The following UACA variants were observed in gnomAD, a reference collection of about 807,000 sequenced individuals.
The protein encoded by UACA is nuclear membrane binding protein.
A neutral mutation model predicts 160.5 loss-of-function variants in UACA; 112 were observed. The observed-to-expected ratio is 0.70, with a 90% CI of 0.60 to 0.82. UACA has a LOEUF of 0.82. Among genes scored for constraint, UACA ranks in the 40% least tolerant of loss-of-function variants. The probability of loss-of-function intolerance (pLI) is 0.00; values close to 1 mark genes in which losing one functional copy is unlikely to be tolerated. For missense variants in UACA, 1,574 were observed against 1,614.6 expected (o/e 0.97, Z 0.43); for synonymous variants, 557 against 568.4 (o/e 0.98, Z 0.29).
chr15:70,678,712 C>T (rs1021167302), intron 10 of UACA, among the ~76,000 whole-genome samples: 13 of 152,136 alleles, frequency 8.5e-5, no homozygotes, highest in African/African-American at 3.1e-4. Context: ...TTCAATTTAT[C>T]ATTTAACGGT....
chr15:70,664,860 T>C (rs1896848946), intron 16 of UACA, 46 bp from the exon 17 acceptor site: 7 of 1,525,918 alleles, frequency 4.6e-6, no homozygotes, highest in South Asian at 1.2e-5. Context: ...ACTTATCATG[T>C]ACAATGAACA....
In UACA at chr15:70,669,408, G is replaced by C; in HGVS notation, c.1276C>G (p.Leu426Val). The stretch of plus-strand genomic sequence containing the variant: ...GTTTGACTGGGTAAAGATAGTTCCA[G>C]AGGTCTTAACATAGATCTGCTTTGC... ...HMQSRSMLRP[L>V]ELSLPSQTSY... The change falls in exon 16 of 19, where the codon CTG (leucine) becomes GTG (valine). Residue 426 changes from leucine (L) to valine (V), a missense_variant. Coordinates refer to ENST00000322954, the MANE Select transcript of UACA (RefSeq NM_018003.4). The C allele has an allele frequency of 6.2e-7, 1 of 1,613,156 alleles. No individual in the cohort carries two copies. The highest frequency in any genetic ancestry group is 1.1e-5 in the South Asian group (1 of 91,022).
intron 1 of UACA, among the ~76,000 whole-genome samples, chr15:70,741,430 G>A (rs1313097489): frequency 6.6e-6 from 1 of 152,196 alleles, no homozygotes; most frequent in African/African-American, 2.4e-5. Context: ...AGGAACTGGG[G>A]AGCCCAGCAG....
intron 13 of UACA, chr15:70,676,193 T>C (rs1595880139): frequency 4.8e-6 from 1 of 210,318 alleles, no homozygotes; most frequent in Admixed American, 5.2e-5. Flanking sequence ...ACTGCAAATT[T>C]ACAGGTAGAA....
At chr15:70,741,653 T>G (rs1441671120) in intron 1 of UACA, among the ~76,000 whole-genome samples, 3 of 152,244 alleles carry the variant, frequency 2.0e-5, no homozygotes, top group Non-Finnish European at 4.4e-5. Context: ...TATTGCTATT[T>G]AACTGAATCA....
At chr15:70,723,054 G>T (rs1031064329) in intron 1 of UACA, among the ~76,000 whole-genome samples, 1 of 152,188 alleles carries the variant, frequency 6.6e-6, no homozygotes, top group Admixed American at 6.5e-5. Flanking sequence ...ACATTTGTTT[G>T]CTAGTTTACC....
chr15:70,750,080 G>A (rs1156845751), intron 1 of UACA, among the ~76,000 whole-genome samples: 4 of 152,068 alleles, frequency 2.6e-5, no homozygotes, highest in Admixed American at 2.6e-4. Flanking sequence ...ACTTCTTCAG[G>A]GTTTCAGGTG....
chr15:70,749,698 C>CAAAAAAAAA (rs11292883), intron 1 of UACA, among the ~76,000 whole-genome samples: 6 of 70,054 alleles, frequency 8.6e-5, no homozygotes, highest in African/African-American at 3.1e-4. Flanking sequence ...GACTCCGTCT[C>CAAAAAAAAA]AAAAAAAAAA....
At chr15:70,659,391 GTTTGTTTTTTTTTTT>G (rs1416244539) in intron 18 of UACA, among the ~76,000 whole-genome samples, 1,079 of 9,924 alleles carry the variant, frequency 0.11, 12 homozygotes, top group African/African-American at 0.16. Flanking sequence ...TTCATTTTTT[GTTTGTTTTTTTTTTT>G]TTTTTTTTTT....
At chr15:70,711,018 C>T (rs1045837038) in intron 1 of UACA, among the ~76,000 whole-genome samples, 2 of 152,120 alleles carry the variant, frequency 1.3e-5, no homozygotes, top group African/African-American at 4.8e-5. Flanking sequence ...AAGACCAGTC[C>T]CCATCCTGAA....
intron 1 of UACA, among the ~76,000 whole-genome samples, chr15:70,719,427 T>A (rs767962437): frequency 6.6e-6 from 1 of 152,164 alleles, no homozygotes; most frequent in Non-Finnish European, 1.5e-5. Flanking sequence ...ACAGGCAGAC[T>A]AAGAATGTGG....
intron 1 of UACA, among the ~76,000 whole-genome samples, chr15:70,736,489 C>T (rs1277182506): frequency 1.3e-5 from 2 of 152,132 alleles, no homozygotes; most frequent in Non-Finnish European, 2.9e-5. Context: ...GGCTAGAGTA[C>T]AGCCGCACGA....
chr15:70,773,582 T>A, the UACA span, among the ~76,000 whole-genome samples: 1 of 152,118 alleles, frequency 6.6e-6, no homozygotes, highest in Non-Finnish European at 1.5e-5. Context: ...AGCTTGGACA[T>A]GTCATCCGCA....
At chr15:70,703,118 T>C in intron 1 of UACA, 7 of 1,289,130 alleles carry the variant, frequency 5.4e-6, no homozygotes, top group Non-Finnish European at 6.1e-6. Context: ...ATAGCATACT[T>C]GTATCAACAT....
In UACA at chr15:70,745,128, G is replaced by A. The variant is rs1899662264; in HGVS notation, c.78+18202C>T. Among the ~76,000 whole-genome samples, 5 of 152,060 alleles carry A rather than the reference G, an allele frequency of 3.3e-5. 1 individual carries two copies. The highest frequency in any genetic ancestry group is 2.6e-4 in the Admixed American group (4 of 15,238). ...GGAGAACTACAAACCACTGCTGAAG[G>A]AAATAAGAGAGGACACAAACAGGCC... is the stretch of plus-strand genomic sequence containing the variant. On this transcript the variant is annotated intron_variant, in intron 1 of 18. Coordinates refer to ENST00000322954, the MANE Select transcript of UACA (RefSeq NM_018003.4).
chr15:70,665,594 A>G (rs1896876068), intron 16 of UACA, among the ~76,000 whole-genome samples: 1 of 152,182 alleles, frequency 6.6e-6, no homozygotes, highest in Non-Finnish European at 1.5e-5. Context: ...AAAATTTTTT[A>G]TTGAAAAATA....
intron 5 of UACA, among the ~76,000 whole-genome samples, chr15:70,688,468 G>T (rs142992900): frequency 0.014 from 2,055 of 152,084 alleles, 21 homozygotes; most frequent in Non-Finnish European, 0.018. Context: ...AAAAAGTACT[G>T]ACAAAGTGAG....
intron 18 of UACA, among the ~76,000 whole-genome samples, chr15:70,658,890 T>C (rs1896577324): frequency 6.6e-6 from 1 of 152,256 alleles, no homozygotes; most frequent in African/African-American, 2.4e-5. Flanking sequence ...AAGGCAAGAC[T>C]ATTTCTGATG....
At chr15:70,778,409 C>T in the UACA span, among the ~76,000 whole-genome samples, 1 of 152,184 alleles carries the variant, frequency 6.6e-6, no homozygotes, top group African/African-American at 2.4e-5. Context: ...TCATTTGTTG[C>T]CTTTGTCTGC....
Sources: allele counts gnomAD v4.1 joint callset (sites outside exome capture counted in the v4.1 genomes callset), GRCh38; gene constraint gnomAD v4.1.1; transcripts MANE v1.5; gene names NCBI Gene and HGNC (gene_info 2026-07-23, HGNC 2026-07-21).